Variants in EPN2 observed in about 807,000 individuals in gnomAD.
EPN2 encodes epsin-2.
Under a neutral mutation model 61.7 loss-of-function variants are expected in EPN2, and 34 were observed. The observed-to-expected ratio is 0.55, with a 90% CI of 0.42 to 0.73. The LOEUF (loss-of-function observed/expected upper bound fraction) is 0.73. Ranked by LOEUF, EPN2 falls within the 30% of genes least tolerant of loss-of-function variation. EPN2 has a pLI of 0.00. For synonymous variants in EPN2, 349 were observed against 353.6 expected (o/e 0.99, Z 0.15); for missense variants, 714 against 839.2 (o/e 0.85, Z 1.84).
At chr17:19,246,125 C>T (rs1002282281) in intron 1 of EPN2, among the ~76,000 whole-genome samples, 2 of 152,106 alleles carry the variant, frequency 1.3e-5, no homozygotes, top group Admixed American at 6.5e-5. Context: ...CTTTGGGAAG[C>T]CGAGGCAGGT....
At chr17:19,272,147 C>T (rs1289380318) in intron 1 of EPN2, among the ~76,000 whole-genome samples, 1 of 152,164 alleles carries the variant, frequency 6.6e-6, no homozygotes, top group Non-Finnish European at 1.5e-5. Flanking sequence ...TCAAAGGCTC[C>T]CGTTCACTGC....
intron 5 of EPN2, among the ~76,000 whole-genome samples, chr17:19,310,587 T>G (rs1402303891): frequency 7.5e-6 from 1 of 132,886 alleles, no homozygotes; most frequent in Non-Finnish European, 1.6e-5. Flanking sequence ...TTTTTTTTTT[T>G]TTTTTTTTGA....
rs902974653 is a variant in EPN2 at position 19,283,003 on chromosome 17, C to T, written c.-117C>T. 6 of 707,798 alleles carry T rather than the reference C, an allele frequency of 8.5e-6. No homozygotes were observed. In the African/African-American group the frequency reaches 1.1e-4, roughly 13 times the overall value. The allele number at this position is 707,798 out of a possible 1,614,324, so 43.8% of individuals were successfully genotyped here. A position where few individuals can be genotyped will look rare whatever the true frequency, so the allele number is the denominator to read the frequency against. Reference sequence around the variant, plus strand: ...GGCTCCAAAGGAGGAAATGACCATTCAGGGATCTTACTCCAGCTTGATTAC... The same window carrying T: ...GGCTCCAAAGGAGGAAATGACCATTTAGGGATCTTACTCCAGCTTGATTAC... On this transcript the variant is annotated 5_prime_UTR_variant, in exon 3 of 11. It introduces an in-frame stop codon into an upstream open reading frame of the 5' UTR. Coordinates refer to ENST00000314728, the MANE Select transcript of EPN2 (RefSeq NM_014964.5). This position sits in a 1 kb window ranked among gnomAD's most constrained non-coding sequence, Gnocchi z 7.0.
At chr17:19,257,618 A>G (rs2045095164) in intron 1 of EPN2, among the ~76,000 whole-genome samples, 1 of 151,568 alleles carries the variant, frequency 6.6e-6, no homozygotes. Context: ...CCCGGGTTCA[A>G]GTGATTCTCC....
At position 19,285,155 on chromosome 17, in the gene EPN2, T is replaced by TG. The variant is rs1388671012; in HGVS notation, c.596-463dup. Among the ~76,000 whole-genome samples the TG allele has an allele frequency of 2.0e-5, 3 of 152,246 alleles. No homozygotes were observed. Among genetic ancestry groups the TG allele is most frequent in the Non-Finnish European group, 4.4e-5 (3 of 68,038 alleles). ...TCCTCTGTCCCTGTGACTGTGGCTG[T>TG]GGCTTTGATGCAGGCCAAGGGGAGC... is the stretch of plus-strand genomic sequence containing the variant. On this transcript the variant is annotated intron_variant, in intron 3 of 10. Coordinates refer to ENST00000314728, the MANE Select transcript of EPN2 (RefSeq NM_014964.5). The surrounding 1 kb of genome is among the most constrained non-coding windows in gnomAD (Gnocchi z 4.5).
chr17:19,264,312 TA>T (rs930447997), intron 1 of EPN2, among the ~76,000 whole-genome samples: 5 of 152,202 alleles, frequency 3.3e-5, no homozygotes, highest in African/African-American at 1.2e-4. Context: ...CGAAGTAAAC[TA>T]AAAAATTCCC....
chr17:19,255,920 A>G (rs769102515), intron 1 of EPN2, among the ~76,000 whole-genome samples: 3 of 151,552 alleles, frequency 2.0e-5, no homozygotes, highest in Non-Finnish European at 4.4e-5. Flanking sequence ...ACCAAACCCA[A>G]TCCCTCCTGT....
chr17:19,307,734 G>A (rs1905919603), intron 4 of EPN2, among the ~76,000 whole-genome samples: 2 of 152,314 alleles, frequency 1.3e-5, no homozygotes, highest in South Asian at 2.1e-4. Context: ...TCACATGGTA[G>A]AGAAGTTCCC....
chr17:19,318,155 G>A lies in EPN2; in HGVS notation c.1147+4876G>A, dbSNP rs548262757. 9.8e-5 allele frequency among the ~76,000 whole-genome samples: 15 copies of A among 152,286 alleles called. No homozygotes were observed. In the South Asian group the frequency reaches 2.9e-3, roughly 30 times the overall value. ...CAAACAGCTTGTCCATGATTACCTGGGTGATTTGGAGGTGGTCAGGATTTG... is the reference window on the plus strand; with the variant it reads ...CAAACAGCTTGTCCATGATTACCTGAGTGATTTGGAGGTGGTCAGGATTTG... On this transcript the variant is annotated intron_variant, in intron 7 of 10. Coordinates refer to ENST00000314728, the MANE Select transcript of EPN2 (RefSeq NM_014964.5).
intron 1 of EPN2, among the ~76,000 whole-genome samples, chr17:19,281,192 C>A (rs1245595941): frequency 6.6e-6 from 1 of 152,222 alleles, no homozygotes; most frequent in East Asian, 1.9e-4. Context: ...AATGATTGGC[C>A]ATTGGTGATA....
chr17:19,253,439 G>T (rs1231562961), intron 1 of EPN2, among the ~76,000 whole-genome samples: 1 of 136,814 alleles, frequency 7.3e-6, no homozygotes, highest in African/African-American at 2.7e-5. Flanking sequence ...TTTTGATACA[G>T]GGTCTCACTC....
At chr17:19,253,583 T>G (rs1281368149) in intron 1 of EPN2, among the ~76,000 whole-genome samples, 1 of 152,042 alleles carries the variant, frequency 6.6e-6, no homozygotes, top group Non-Finnish European at 1.5e-5. Context: ...GTATTTTTTG[T>G]AGAGACAATG....
At chr17:19,287,050 A>G (rs980446820) in intron 4 of EPN2, among the ~76,000 whole-genome samples, 1 of 151,968 alleles carries the variant, frequency 6.6e-6, no homozygotes, top group African/African-American at 2.4e-5. Flanking sequence ...TTGGTGGCCA[A>G]TTTTGTGTTA....
intron 1 of EPN2, among the ~76,000 whole-genome samples, chr17:19,277,669 G>T (rs1020778277): frequency 1.8e-4 from 28 of 152,204 alleles, no homozygotes; most frequent in Non-Finnish European, 3.2e-4. Flanking sequence ...GGCACTGCTG[G>T]AGTCCTGCTT....
At chr17:19,309,782 C>T (rs746857611) in intron 4 of EPN2, 103 bp from the exon 5 acceptor site, 60 of 828,118 alleles carry the variant, frequency 7.2e-5, no homozygotes, top group Middle Eastern at 4.4e-4. Context: ...CTGGACCTTG[C>T]GGGTTTGAGA....
In EPN2 at chr17:19,308,591, C is replaced by T. The variant is rs1905967914; in HGVS notation, c.767-1294C>T. On this transcript the variant is annotated intron_variant, in intron 4 of 10. Transcript: ENST00000314728. ...GAAGGACCAGGTCCGGGAAGCCGAG[C>T]TCTGACTACAAAAGAGGAGGTGGGT... The T allele has an allele frequency of 1.7e-5, 17 of 985,336 alleles. 2 individuals are homozygous for T. In the South Asian group the frequency reaches 7.5e-4, roughly 44 times the overall value. 61.0% of individuals were successfully genotyped at this position (985,336 alleles called of 1,614,324 possible).
chr17:19,317,348 C>T (rs1166456280), intron 7 of EPN2, among the ~76,000 whole-genome samples: 1 of 152,210 alleles, frequency 6.6e-6, no homozygotes, highest in East Asian at 1.9e-4. Flanking sequence ...GGCTTATAGC[C>T]TGCTGATTCA....
chr17:19,246,767 C>CTT (rs377094702), intron 1 of EPN2, among the ~76,000 whole-genome samples: 3,449 of 109,542 alleles, frequency 0.031, 211 homozygotes, highest in African/African-American at 0.085. Context: ...CCCTGTGTGC[C>CTT]TTTTTTTTTT....
chr17:19,260,732 A>T (rs1333200433), intron 1 of EPN2, among the ~76,000 whole-genome samples: 2 of 151,308 alleles, frequency 1.3e-5, no homozygotes, highest in Non-Finnish European at 1.5e-5. Context: ...CTCACTCCTG[A>T]TCTCATCTCT....
Sources: allele counts gnomAD v4.1 joint callset (sites outside exome capture counted in the v4.1 genomes callset), GRCh38; gene constraint gnomAD v4.1.1; non-coding constraint Gnocchi (gnomAD v3.1); transcripts MANE v1.5; gene names NCBI Gene and HGNC (gene_info 2026-07-23, HGNC 2026-07-21).